SGCD: variants seen among roughly 807,000 people sequenced by gnomAD.
The protein encoded by SGCD is sarcoglycan delta, also known as delta-sarcoglycan.
A neutral mutation model predicts 36.6 loss-of-function variants in SGCD; 18 were observed. The observed-to-expected ratio is 0.49, with a 90% CI of 0.34 to 0.73. SGCD has a LOEUF of 0.73. Among genes scored for constraint, SGCD ranks in the 30% least tolerant of loss-of-function variants. The pLI is 0.01. For missense variants in SGCD, 387 were observed against 346.7 expected, an observed-to-expected ratio of 1.12 and a Z score of -0.92; for synonymous variants, 133 against 130.6, an observed-to-expected ratio of 1.02 and a Z score of -0.12.
At chr5:156,650,986 G>T (rs1763438106) in intron 7 of SGCD, among the ~76,000 whole-genome samples, 1 of 152,048 alleles carries the variant, frequency 6.6e-6, no homozygotes, top group Non-Finnish European at 1.5e-5. Flanking sequence ...AACATCTGTT[G>T]TTTCTTGACT....
At chr5:155,980,889 GA>G (rs1758215368) in intron 1 of SGCD, among the ~76,000 whole-genome samples, 1 of 106,210 alleles carries the variant, frequency 9.4e-6, no homozygotes, top group African/African-American at 4.3e-5. Flanking sequence ...AGCCAAGAAA[GA>G]AGAATTGTCA....
intron 7 of SGCD, among the ~76,000 whole-genome samples, chr5:156,735,958 C>A (rs1756338788): frequency 6.6e-6 from 1 of 152,138 alleles, no homozygotes; most frequent in African/African-American, 2.4e-5. Flanking sequence ...ATGAAGGGAT[C>A]TACTGATCTG....
intron 4 of SGCD, among the ~76,000 whole-genome samples, chr5:156,579,670 C>G (rs954494495): frequency 1.3e-5 from 2 of 152,098 alleles, no homozygotes; most frequent in Non-Finnish European, 2.9e-5. Flanking sequence ...TATGTAATGA[C>G]CTTCTTTGTC....
chr5:156,119,745 G>GGGAGTCT (rs1214872192), intron 2 of SGCD, among the ~76,000 whole-genome samples: 1 of 151,994 alleles, frequency 6.6e-6, no homozygotes, highest in Non-Finnish European at 1.5e-5. Flanking sequence ...CACCTCTCTT[G>GGGAGTCT]GGAGTCTGTC....
intron 6 of SGCD, among the ~76,000 whole-genome samples, chr5:156,612,253 A>G (rs1010838247): frequency 2.6e-5 from 4 of 152,160 alleles, no homozygotes; most frequent in African/African-American, 9.7e-5. Flanking sequence ...GATGAGTCCT[A>G]TGATGTTTGT....
At chr5:155,794,818 A>G in the SGCD span, among the ~76,000 whole-genome samples, 2 of 152,186 alleles carry the variant, frequency 1.3e-5, no homozygotes, top group Non-Finnish European at 2.9e-5. Flanking sequence ...CTCAAATTCT[A>G]GAAGCTCTGT....
intron 4 of SGCD, among the ~76,000 whole-genome samples, chr5:156,515,422 G>A (rs1176191981): frequency 2.6e-5 from 4 of 152,136 alleles, no homozygotes; most frequent in Admixed American, 1.3e-4. Context: ...AATGAAGACC[G>A]CATGTGAATC....
chr5:156,359,111 A>T (rs1258352066), intron 3 of SGCD, among the ~76,000 whole-genome samples: 1 of 152,244 alleles, frequency 6.6e-6, no homozygotes, highest in East Asian at 1.9e-4. Context: ...ACCTTGTGGT[A>T]TAATTGGGGA....
At chr5:155,880,888 T>C (rs1233864035) in intron 1 of SGCD, among the ~76,000 whole-genome samples, 1 of 152,150 alleles carries the variant, frequency 6.6e-6, no homozygotes, top group Non-Finnish European at 1.5e-5. Flanking sequence ...GTGTTTTTAT[T>C]TCAAAATTTT....
Position 156,764,304 on chromosome 5 carries a change from CCT to C in SGCD, c.*4919_*4920del, listed in dbSNP as rs1164597693. On this transcript the variant is annotated 3_prime_UTR_variant, in exon 9 of 9. Coordinates refer to ENST00000337851, the MANE Select transcript of SGCD (RefSeq NM_000337.6). Reference sequence around the variant, plus strand: ...AGCCACGGCATTGGGATGTCAGATGCCTCTCTTTCTTTGTGGTAATCGGAATT... The same window carrying C: ...AGCCACGGCATTGGGATGTCAGATGCCTCTTTCTTTGTGGTAATCGGAATT... 1 of 152,622 alleles carries C rather than the reference CCT, an allele frequency of 6.6e-6. No individual in the cohort carries two copies. Among genetic ancestry groups the C allele is most frequent in the Non-Finnish European group, 1.5e-5 (1 of 68,038 alleles). The allele number at this position is 152,622 out of a possible 1,614,324, so 9.5% of individuals were successfully genotyped here.
intron 3 of SGCD, among the ~76,000 whole-genome samples, chr5:156,360,280 T>A (rs939274225): frequency 2.7e-5 from 4 of 150,522 alleles, no homozygotes; most frequent in Non-Finnish European, 4.4e-5. Context: ...AAAGTCTTGC[T>A]CTTGTCACCC....
chr5:155,890,775 T>A (rs1756110560), intron 1 of SGCD, among the ~76,000 whole-genome samples: 1 of 152,174 alleles, frequency 6.6e-6, no homozygotes, highest in Admixed American at 6.5e-5. Context: ...GTACCAGGAC[T>A]GCTTCACTAT....
chr5:155,887,964 C>T lies in SGCD; in HGVS notation c.-282+17540C>T, dbSNP rs149233455. Among the ~76,000 whole-genome samples the T allele has an allele frequency of 1.7e-4, 26 of 152,240 alleles. No homozygotes were observed. In the East Asian group the frequency reaches 3.9e-3, roughly 23 times the overall value. On this transcript the variant is annotated intron_variant, in intron 1 of 9. Transcript: ENST00000517913. ...ATTTCCATTTTAAAGATGAGAAATACGAAACTCAGAGAGATGAGGTAACAT... is the reference window on the plus strand; with the variant it reads ...ATTTCCATTTTAAAGATGAGAAATATGAAACTCAGAGAGATGAGGTAACAT...
At chr5:155,844,772 A>C in the SGCD span, among the ~76,000 whole-genome samples, 1 of 152,220 alleles carries the variant, frequency 6.6e-6, no homozygotes, top group African/African-American at 2.4e-5. Flanking sequence ...AGTTAAAAAC[A>C]GTAGTATATG....
At chr5:156,384,488 C>T (rs904957832) in intron 3 of SGCD, among the ~76,000 whole-genome samples, 4 of 152,188 alleles carry the variant, frequency 2.6e-5, no homozygotes, top group Non-Finnish European at 5.9e-5. Context: ...AGAACCTTAT[C>T]TATCTAGTTG....
chr5:156,072,522 C>A (rs1760612515), intron 1 of SGCD, among the ~76,000 whole-genome samples: 1 of 151,764 alleles, frequency 6.6e-6, no homozygotes, highest in Non-Finnish European at 1.5e-5. Context: ...ATGGGCTTTC[C>A]TTTGAGGGTA....
At chr5:156,391,142 A>G (rs1293096630) in intron 3 of SGCD, among the ~76,000 whole-genome samples, 1 of 152,216 alleles carries the variant, frequency 6.6e-6, no homozygotes, top group African/African-American at 2.4e-5. Context: ...CTTTTGTACC[A>G]TATTTTTACT....
chr5:156,081,611 G>A (rs1760954830), intron 1 of SGCD, among the ~76,000 whole-genome samples: 1 of 152,062 alleles, frequency 6.6e-6, no homozygotes, highest in Non-Finnish European at 1.5e-5. Context: ...GTCCAGGCTG[G>A]TTTCAAACTC....
intron 3 of SGCD, among the ~76,000 whole-genome samples, chr5:156,197,454 T>C (rs993277131): frequency 2.0e-5 from 3 of 150,690 alleles, no homozygotes; most frequent in Admixed American, 1.3e-4. Flanking sequence ...ATTAACTCTT[T>C]AGAATTGAAT....
Sources: gnomAD v4.1 joint callset for allele counts (sites outside exome capture counted in the v4.1 genomes callset) on GRCh38, gnomAD v4.1.1 for gene constraint, MANE v1.5 for transcripts, NCBI Gene and HGNC (gene_info 2026-07-23, HGNC 2026-07-21) for gene names.